DZIP1L: variants seen among roughly 807,000 people sequenced by gnomAD.
The protein encoded by DZIP1L is DAZ interacting zinc finger protein 1 like, also known as cilium assembly protein DZIP1L.
In DZIP1L, 90 loss-of-function variants were observed where a neutral mutation model predicts 88.7. That is an observed-to-expected ratio of 1.02 (90% confidence interval 0.86 to 1.21). The LOEUF (loss-of-function observed/expected upper bound fraction) is 1.21, where lower values mean the gene tolerates loss of function less well. Ranked by LOEUF, DZIP1L falls within the 50% of genes most tolerant of loss-of-function variation. The pLI, the probability that DZIP1L is intolerant of heterozygous loss-of-function variation, is 0.00. For missense variants in DZIP1L, 932 were observed against 955.8 expected (o/e 0.98, Z 0.33); for synonymous variants, 363 against 372.1 (o/e 0.98, Z 0.28).
chr3:138,068,937 A>C, intron 12 of DZIP1L: 16 of 1,250,006 alleles, frequency 1.3e-5, no homozygotes, highest in Non-Finnish European at 1.5e-5. Context: ...TTTTATGGGA[A>C]GAGAAGAGAG....
At chr3:138,071,510 T>C (rs1576439898) in intron 12 of DZIP1L, 133 bp downstream of exon 12, 6 of 1,035,752 alleles carry the variant, frequency 5.8e-6, no homozygotes, top group Non-Finnish European at 8.1e-6. Context: ...GTAAGGACCC[T>C]ACCAGCTCAG....
chr3:138,088,370 T>G lies in DZIP1L; in HGVS notation c.999+9A>C. 6.2e-7 allele frequency: 1 copy of G among 1,608,798 alleles called. No individual in the cohort carries two copies. The highest frequency in any genetic ancestry group is 8.5e-7 in the Non-Finnish European group (1 of 1,177,708). ...CCTCTGGGAAGAAAGGCATGGAGCA[T>G]CAGCTCACCTGAATTTCTGTCTTCT... On this transcript the variant is annotated intron_variant, in intron 6 of 15. Coordinates refer to ENST00000327532, the MANE Select transcript of DZIP1L (RefSeq NM_173543.3).
At chr3:138,112,260 C>G (rs1382920414) in intron 1 of DZIP1L, 12 of 152,106 alleles carry the variant, frequency 7.9e-5, no homozygotes, top group Non-Finnish European at 1.5e-5. Context: ...AGATTCAAAC[C>G]AAGTTCTATC....
intron 5 of DZIP1L, among the ~76,000 whole-genome samples, chr3:138,092,010 C>T (rs766281980): frequency 1.1e-4 from 16 of 152,126 alleles, no homozygotes; most frequent in Non-Finnish European, 1.9e-4. Flanking sequence ...GAAAGCCCTT[C>T]GCAAAAATAA....
chr3:138,088,181 G>C (rs1559844466), intron 6 of DZIP1L, among the ~76,000 whole-genome samples, 198 bp downstream of exon 6: 1 of 152,138 alleles, frequency 6.6e-6, no homozygotes, highest in Non-Finnish European at 1.5e-5. Context: ...AAAGATCTTA[G>C]GCAAATCTGA....
At chr3:138,102,115 T>C in intron 2 of DZIP1L, 1 of 1,425,660 alleles carries the variant, frequency 7.0e-7, no homozygotes, top group Non-Finnish European at 9.9e-7. Context: ...GCGATCTCCT[T>C]GTACTGTGCC....
intron 3 of DZIP1L, 120 bp from the exon 4 acceptor site, chr3:138,095,103 T>C: frequency 2.0e-6 from 3 of 1,463,740 alleles, no homozygotes; most frequent in South Asian, 1.3e-5. Context: ...CTTAGTACGT[T>C]GACATTGGGC....
rs370729110 is a variant in DZIP1L, at chr3:138,087,818, T to C, written c.999+561A>G. Among the ~76,000 whole-genome samples the C allele has an allele frequency of 3.6e-4, 55 of 152,360 alleles. 1 individual carries two copies. In the South Asian group the frequency reaches 6.2e-3, roughly 17 times the overall value. On this transcript the variant is annotated intron_variant, in intron 6 of 15. Coordinates refer to ENST00000327532, the MANE Select transcript of DZIP1L (RefSeq NM_173543.3). ...ATTATCAGTGATACAGACCATTTTA[T>C]AACCAGACTGCAGTAAAATTCATCC...
At chr3:138,111,148 AC>A (rs1242368649) in intron 1 of DZIP1L, among the ~76,000 whole-genome samples, 7 of 152,210 alleles carry the variant, frequency 4.6e-5, no homozygotes, top group African/African-American at 1.4e-4. Context: ...CCAGCCCATT[AC>A]CTGGCACCCA....
chr3:138,103,883 T>C lies in DZIP1L; in HGVS notation c.89A>G (p.His30Arg), dbSNP rs745353973. 52 of 1,613,864 alleles carry C rather than the reference T, an allele frequency of 3.2e-5. No homozygotes were observed. The highest frequency in any genetic ancestry group is 4.2e-5 in the Non-Finnish European group (50 of 1,180,042). ...AATGCGTCTCCAGTCCATGCTATCA[T>C]GGCGAGGCTGAAACTTGAAGGTGGG... ...TFPTFKFQPRHDSMDWRRIST... is the reference protein window; with the variant it reads ...TFPTFKFQPRRDSMDWRRIST... The change falls in exon 2 of 16, where the codon CAT (histidine) becomes CGT (arginine). Residue 30 changes from histidine to arginine, a missense_variant. His to Arg is a conservative substitution (Grantham distance 29, BLOSUM62 0). Transcript: ENST00000327532.
chr3:138,103,928 AG>A lies in DZIP1L; in HGVS notation c.43del (p.Leu15SerfsTer29). The A allele has an allele frequency of 6.2e-7, 1 of 1,613,396 alleles. No individual in the cohort carries two copies. On this transcript the variant is annotated frameshift_variant, in exon 2 of 16. Transcript: ENST00000327532. LOFTEE classifies it high-confidence loss of function. ...GGTGGGGAACGTGTAGGCCCCAAAGAGGGGGCCACTGAGGCCCTCAGCAGTG... is the reference window on the plus strand; with the variant it reads ...GGTGGGGAACGTGTAGGCCCCAAAGAGGGGCCACTGAGGCCCTCAGCAGTG... ...AATAEGLSGP[L>X]FGAYTFPTFK...
At chr3:138,072,728 G>A (rs1228891596) in intron 11 of DZIP1L, among the ~76,000 whole-genome samples, 3 of 152,196 alleles carry the variant, frequency 2.0e-5, no homozygotes, top group African/African-American at 7.2e-5. Flanking sequence ...GAAAACCTGA[G>A]TCTGCTTGCT....
chr3:138,075,289 A>G (rs1943354634), intron 11 of DZIP1L, among the ~76,000 whole-genome samples: 2 of 152,204 alleles, frequency 1.3e-5, no homozygotes, highest in African/African-American at 4.8e-5. Context: ...TTAAACTATA[A>G]CCTAGAACAA....
chr3:138,068,774 C>T (rs1235844038), intron 12 of DZIP1L, among the ~76,000 whole-genome samples: 4 of 152,196 alleles, frequency 2.6e-5, no homozygotes, highest in Admixed American at 2.0e-4. Flanking sequence ...GAGGTCGCCG[C>T]AGGACTGCAT....
chr3:138,078,370 C>A (rs1198982327), intron 10 of DZIP1L, among the ~76,000 whole-genome samples: 1 of 152,184 alleles, frequency 6.6e-6, no homozygotes, highest in Non-Finnish European at 1.5e-5. Context: ...GCCAAGGACA[C>A]AGAAGCCCAT....
intron 2 of DZIP1L, among the ~76,000 whole-genome samples, chr3:138,100,905 A>G (rs536242505): frequency 6.6e-6 from 1 of 152,304 alleles, no homozygotes; most frequent in South Asian, 2.1e-4. Context: ...GCTTTGGGAA[A>G]TGAACTGTCA....
In DZIP1L at chr3:138,080,607, C is replaced by T. The variant is rs1943603470; in HGVS notation, c.1248G>A (p.Val416=). 6.2e-7 allele frequency: 1 copy of T among 1,613,500 alleles called. No individual in the cohort carries two copies. Among genetic ancestry groups the T allele is most frequent in the Non-Finnish European group, 8.5e-7 (1 of 1,179,788 alleles). Residue 416 remains valine, a synonymous_variant, in exon 10 of 16, where the codon GTG becomes GTA. Transcript: ENST00000327532. ...SLRKVEGIHK[V]PKAVDTEEDS... Reference sequence around the variant, plus strand: ...CCTCCTCTGTGTCCACAGCCTTTGGCACCTTGTGGATCCCTGAAGAGAGGA... The same window carrying T: ...CCTCCTCTGTGTCCACAGCCTTTGGTACCTTGTGGATCCCTGAAGAGAGGA...
At chr3:138,108,149 A>C (rs2042549136) in intron 1 of DZIP1L, 1 of 979,618 alleles carries the variant, frequency 1.0e-6, no homozygotes, top group African/African-American at 1.8e-5. Context: ...ATGCCTGGCT[A>C]ATTTTTTGTA....
rs760973222 is a variant in DZIP1L, at chr3:138,077,563, T to G, written c.1358A>C (p.Lys453Thr). Residue 453 changes from lysine to threonine, a missense_variant, in exon 11 of 16, where the codon AAG (lysine) becomes ACG (threonine). Physicochemically the swap from Lys to Thr is moderately conservative, Grantham distance 78. Transcript: ENST00000327532. ...GTCCTCCAGGATTGGTCTGAAGTGC[T>G]TCAGCAAAGTGGGGTTACGCCTCAG... Reference protein sequence around the residue: ...AALRRNPTLLKHFRPILEDTL... With the variant: ...AALRRNPTLLTHFRPILEDTL... The G allele has an allele frequency of 6.2e-7, 1 of 1,614,228 alleles. No individual in the cohort carries two copies. The highest frequency in any genetic ancestry group is 2.2e-5 in the East Asian group (1 of 44,882).
Sources: gnomAD v4.1 joint callset for allele counts (sites outside exome capture counted in the v4.1 genomes callset) on GRCh38, gnomAD v4.1.1 for gene constraint, MANE v1.5 for transcripts, NCBI Gene and HGNC (gene_info 2026-07-23, HGNC 2026-07-21) for gene names.